Variants in SEC22A observed in about 807,000 individuals in gnomAD.
The protein encoded by SEC22A is vesicle-trafficking protein SEC22a.
In SEC22A, 22 loss-of-function variants were observed where a neutral mutation model predicts 35.3. The observed-to-expected ratio is 0.62, with a 90% CI of 0.45 to 0.89. SEC22A has a LOEUF of 0.89. SEC22A is among the 40% of genes least tolerant of loss of function. The pLI is 0.00. For missense variants in SEC22A, 354 were observed against 362.5 expected (o/e 0.98, Z 0.19); for synonymous variants, 119 against 129.5 (o/e 0.92, Z 0.55).
intron 5 of SEC22A, among the ~76,000 whole-genome samples, chr3:123,258,088 T>C (rs1937782401): frequency 6.6e-6 from 1 of 151,904 alleles, no homozygotes; most frequent in Non-Finnish European, 1.5e-5. Flanking sequence ...TATCCAATTG[T>C]AGGACAATAA....
At position 123,263,012 on chromosome 3, in the gene SEC22A, T is replaced by G. The variant is rs74328051; in HGVS notation, c.723+3423T>G. ...CTGATACAGTCAAGATACAGAACATTCCTGTCACCACAGGGATCCCTCATG... is the reference window on the plus strand; with the variant it reads ...CTGATACAGTCAAGATACAGAACATGCCTGTCACCACAGGGATCCCTCATG... On this transcript the variant is annotated intron_variant, in intron 6 of 6. Coordinates refer to ENST00000492595, the MANE Select transcript of SEC22A (RefSeq NM_012430.5). Among the ~76,000 whole-genome samples, 16 of 152,322 alleles carry G rather than the reference T, an allele frequency of 1.1e-4. No individual in the cohort carries two copies. In the East Asian group the frequency reaches 3.1e-3, roughly 29 times the overall value.
intron 5 of SEC22A, among the ~76,000 whole-genome samples, chr3:123,250,177 C>T (rs1489709141): frequency 6.6e-5 from 10 of 152,130 alleles, no homozygotes; most frequent in East Asian, 1.9e-4. Flanking sequence ...TTTGGGAGGC[C>T]GAGGCAGATG....
intron 1 of SEC22A, chr3:123,202,267 G>C (rs999236539): frequency 6.5e-6 from 1 of 152,762 alleles, no homozygotes; most frequent in Non-Finnish European, 1.5e-5. Context: ...GAGCCGCCTC[G>C]GGTGTTGGGC....
intron 5 of SEC22A, among the ~76,000 whole-genome samples, chr3:123,257,478 C>T (rs1937759218): frequency 6.6e-6 from 1 of 152,068 alleles, no homozygotes; most frequent in Admixed American, 6.6e-5. Flanking sequence ...AGGCAGATCA[C>T]TTGAAGTCAG....
chr3:123,246,306 G>C (rs561161779), intron 5 of SEC22A, among the ~76,000 whole-genome samples: 45 of 152,288 alleles, frequency 3.0e-4, no homozygotes, highest in Non-Finnish European at 5.7e-4. Context: ...AACTGGGGAG[G>C]CAAGAAAGTA....
intron 2 of SEC22A, among the ~76,000 whole-genome samples, chr3:123,215,748 T>G (rs931995716): frequency 6.6e-6 from 1 of 152,210 alleles, no homozygotes; most frequent in Non-Finnish European, 1.5e-5. Context: ...GCTGCTGCTC[T>G]TTACCCTTAA....
At position 123,245,915 on chromosome 3, in the gene SEC22A, A is replaced by C. The variant is rs1330621954; in HGVS notation, c.558A>C (p.Glu186Asp). 1 of 1,606,066 alleles carries C rather than the reference A, an allele frequency of 6.2e-7. No individual in the cohort carries two copies. The highest frequency in any genetic ancestry group is 1.1e-5 in the South Asian group (1 of 90,408). Reference sequence around the variant, plus strand: ...ATTTTCCAGCTCACCAGCGACTGGAACCAGCAACTCTGTCAGGGATTGTAG... The same window carrying C: ...ATTTTCCAGCTCACCAGCGACTGGACCCAGCAACTCTGTCAGGGATTGTAG... The part of the protein sequence containing the change: ...GKISSAHQRL[E>D]PATLSGIVGF... The change falls in exon 5 of 7, where the codon GAA becomes GAC. Residue 186 changes from glutamate to aspartate, a missense_variant. By Grantham distance (45) the Glu-to-Asp change is conservative. Coordinates refer to ENST00000492595, the MANE Select transcript of SEC22A (RefSeq NM_012430.5).
chr3:123,245,368 T>C (rs943332743), intron 4 of SEC22A, among the ~76,000 whole-genome samples: 12 of 152,206 alleles, frequency 7.9e-5, no homozygotes, highest in African/African-American at 2.7e-4. Context: ...TAGCACTGTC[T>C]ATCCCAAATG....
chr3:123,252,779 G>A (rs1266334951), intron 5 of SEC22A, among the ~76,000 whole-genome samples: 1 of 152,148 alleles, frequency 6.6e-6, no homozygotes, highest in Non-Finnish European at 1.5e-5. Flanking sequence ...CAGGGTGATA[G>A]CAAGGGATTT....
At chr3:123,269,778 G>A (rs762016344) in intron 6 of SEC22A, among the ~76,000 whole-genome samples, 3 of 151,574 alleles carry the variant, frequency 2.0e-5, no homozygotes, top group African/African-American at 2.4e-5. Context: ...GACTACAGGC[G>A]CCCGCCACCA....
chr3:123,228,557 G>A (rs1392519599), intron 4 of SEC22A, among the ~76,000 whole-genome samples: 4 of 141,702 alleles, frequency 2.8e-5, no homozygotes, highest in Non-Finnish European at 4.5e-5. Context: ...CCTGGGCAAC[G>A]AGAGCGAAAA....
intron 4 of SEC22A, among the ~76,000 whole-genome samples, chr3:123,239,125 A>C (rs1937480089): frequency 2.0e-5 from 3 of 152,092 alleles, no homozygotes; most frequent in Admixed American, 2.0e-4. Flanking sequence ...GTTTTAAAGT[A>C]TATGTTTCAT....
intron 4 of SEC22A, among the ~76,000 whole-genome samples, chr3:123,227,641 A>G (rs917311409): frequency 1.6e-4 from 24 of 152,226 alleles, no homozygotes; most frequent in Admixed American, 1.1e-3. Flanking sequence ...AATATCAACT[A>G]TAGAATACAA....
chr3:123,242,455 C>G (rs1937532566), intron 4 of SEC22A, among the ~76,000 whole-genome samples: 1 of 151,786 alleles, frequency 6.6e-6, no homozygotes, highest in Non-Finnish European at 1.5e-5. Context: ...GTTGCCAAGT[C>G]TAATAATTTT....
At chr3:123,244,429 C>T (rs1559759725) in intron 4 of SEC22A, among the ~76,000 whole-genome samples, 2 of 151,956 alleles carry the variant, frequency 1.3e-5, no homozygotes, top group South Asian at 2.1e-4. Context: ...AATGTATAGA[C>T]GAATTAGATA....
intron 6 of SEC22A, among the ~76,000 whole-genome samples, chr3:123,270,756 G>A (rs1412434271): frequency 1.3e-5 from 2 of 152,134 alleles, no homozygotes; most frequent in Non-Finnish European, 2.9e-5. Context: ...GGGCAGGAGC[G>A]GTGAGAGGGG....
intron 2 of SEC22A, among the ~76,000 whole-genome samples, chr3:123,213,684 A>G (rs183990079): frequency 6.6e-6 from 1 of 152,302 alleles, no homozygotes; most frequent in East Asian, 1.9e-4. Flanking sequence ...GCCATGGCTT[A>G]TACTATTTTT....
intron 4 of SEC22A, among the ~76,000 whole-genome samples, chr3:123,235,640 AAAAG>A (rs1559757553): frequency 2.0e-5 from 3 of 152,250 alleles, no homozygotes; most frequent in African/African-American, 2.4e-5. Flanking sequence ...CAAAAAGTTA[AAAAG>A]AGTCACCATA....
chr3:123,204,416 A>G (rs951759183), intron 1 of SEC22A, among the ~76,000 whole-genome samples: 1 of 152,220 alleles, frequency 6.6e-6, no homozygotes, highest in Non-Finnish European at 1.5e-5. Flanking sequence ...CCAGTATAAA[A>G]TGTTTTTATC....
Sources: gnomAD v4.1 joint callset for allele counts (sites outside exome capture counted in the v4.1 genomes callset) on GRCh38, gnomAD v4.1.1 for gene constraint, MANE v1.5 for transcripts, NCBI Gene and HGNC (gene_info 2026-07-23, HGNC 2026-07-21) for gene names.